PCLO: variants seen among roughly 807,000 people sequenced by gnomAD.
PCLO encodes protein piccolo.
Under a neutral mutation model 427.5 loss-of-function variants are expected in PCLO, and 82 were observed. The ratio of observed to expected loss-of-function variants is 0.19; its 90% CI spans 0.16 to 0.23. PCLO has a LOEUF of 0.23. Ranked by LOEUF, PCLO falls within the 10% of genes least tolerant of loss-of-function variation. The probability of loss-of-function intolerance (pLI) is 1.00; values close to 1 mark genes in which losing one functional copy is unlikely to be tolerated. For synonymous variants in PCLO, 2,357 were observed against 2,155.4 expected, an observed-to-expected ratio of 1.09 and a Z score of -2.59; for missense variants, 6,239 against 6,115.9, an observed-to-expected ratio of 1.02 and a Z score of -0.67.
intron 3 of PCLO, among the ~76,000 whole-genome samples, chr7:82,987,260 C>T (rs7810272): frequency 0.75 from 114,158 of 151,776 alleles, 43,485 homozygotes; most frequent in East Asian, 0.92. Flanking sequence ...TTGATTCTAG[C>T]TACTTGATTT....
intron 3 of PCLO, among the ~76,000 whole-genome samples, chr7:83,041,292 G>A (rs1462666244): frequency 1.3e-5 from 2 of 152,082 alleles, no homozygotes; most frequent in East Asian, 1.9e-4. Flanking sequence ...TACAGAAAAT[G>A]AGCCTGCAGT....
At chr7:83,018,359 T>C (rs945249193) in intron 3 of PCLO, among the ~76,000 whole-genome samples, 1 of 151,890 alleles carries the variant, frequency 6.6e-6, no homozygotes, top group Non-Finnish European at 1.5e-5. Flanking sequence ...GTATTAAGAG[T>C]ACTTTTATCT....
Position 83,124,964 on chromosome 7 carries a change from C to T in PCLO, c.3300+9286G>A, listed in dbSNP as rs958697994. On this transcript the variant is annotated intron_variant, in intron 3 of 24. Coordinates refer to ENST00000333891, the MANE Select transcript of PCLO (RefSeq NM_033026.6). The stretch of plus-strand genomic sequence containing the variant: ...GGAGACGCGGTTTCGCCGTGTTGGC[C>T]GGGCTGGTCTCCAGCTCCTGACCTC... Among the ~76,000 whole-genome samples the T allele has an allele frequency of 1.6e-4, 24 of 152,246 alleles. No homozygotes were observed. In the East Asian group the frequency reaches 4.3e-3, roughly 27 times the overall value.
At chr7:83,016,563 G>A (rs1268461543) in intron 3 of PCLO, among the ~76,000 whole-genome samples, 4 of 151,184 alleles carry the variant, frequency 2.6e-5, no homozygotes, top group Admixed American at 6.6e-5. Context: ...GGGGTTAGGA[G>A]AGAGATCTAC....
At chr7:83,049,390 A>T (rs1245746331) in intron 3 of PCLO, among the ~76,000 whole-genome samples, 1 of 152,104 alleles carries the variant, frequency 6.6e-6, no homozygotes, top group Non-Finnish European at 1.5e-5. Context: ...GAGAAACAAG[A>T]TGTTGGGGCA....
intron 3 of PCLO, among the ~76,000 whole-genome samples, chr7:83,073,936 T>C (rs1789883610): frequency 6.6e-6 from 1 of 151,738 alleles, no homozygotes; most frequent in Admixed American, 6.6e-5. Context: ...ATTTAGATAT[T>C]TGTTTCTAAA....
intron 6 of PCLO, among the ~76,000 whole-genome samples, chr7:82,924,542 G>A (rs1202661275): frequency 6.6e-6 from 1 of 152,032 alleles, no homozygotes; most frequent in East Asian, 1.9e-4. Context: ...GTCCACAACT[G>A]CAATAATTAT....
At chr7:83,006,823 T>C (rs1377707057) in intron 3 of PCLO, among the ~76,000 whole-genome samples, 3 of 151,500 alleles carry the variant, frequency 2.0e-5, no homozygotes, top group South Asian at 2.1e-4. Context: ...TCATTTTAAG[T>C]CTTTGCTCAA....
Position 83,155,549 on chromosome 7 carries a change from C to T in PCLO, c.1092G>A (p.Gln364=). 6.2e-7 allele frequency: 1 copy of T among 1,612,856 alleles called. No homozygotes were observed. Among genetic ancestry groups the T allele is most frequent in the Non-Finnish European group, 8.5e-7 (1 of 1,179,398 alleles). ...CTGGAGGCTTAGCAGGACCAAGAGG[C>T]TGAGCTGGAGGCTTTGTTGTCCCTG... ...QPPGTTKPPA[Q]PLGPAKPPAQ... is the part of the protein sequence containing the mutation. The change falls in exon 2 of 25, where the codon CAG becomes CAA. Residue 364 remains glutamine, a synonymous_variant. Transcript: ENST00000333891.
intron 20 of PCLO, among the ~76,000 whole-genome samples, chr7:82,814,982 C>T (rs903061152): frequency 3.3e-5 from 5 of 151,812 alleles, no homozygotes; most frequent in African/African-American, 9.7e-5. Flanking sequence ...ATGTCAAGAT[C>T]ATTTTATCAT....
At chr7:82,806,555 T>C (rs891465631) in intron 20 of PCLO, among the ~76,000 whole-genome samples, 1 of 152,134 alleles carries the variant, frequency 6.6e-6, no homozygotes, top group South Asian at 2.1e-4. Flanking sequence ...GTTGTCAGAT[T>C]TGAGAAGAAA....
chr7:82,965,669 G>A (rs1358279347), intron 4 of PCLO, 102 bp downstream of exon 4: 2 of 697,710 alleles, frequency 2.9e-6, no homozygotes, highest in East Asian at 2.7e-5. Context: ...ATTGTTTGAG[G>A]AACTTCACTT....
At chr7:82,763,160 G>C (rs1386045517) in intron 22 of PCLO, among the ~76,000 whole-genome samples, 1 of 152,034 alleles carries the variant, frequency 6.6e-6, no homozygotes, top group Non-Finnish European at 1.5e-5. Context: ...CTGATTCATC[G>C]AGGATACCCT....
intron 3 of PCLO, among the ~76,000 whole-genome samples, chr7:83,121,949 A>G (rs1458698558): frequency 6.6e-6 from 1 of 152,202 alleles, no homozygotes; most frequent in African/African-American, 2.4e-5. Flanking sequence ...ACATTAAAAA[A>G]ATCATCCATC....
At chr7:82,842,167 A>T (rs927695884) in intron 13 of PCLO, among the ~76,000 whole-genome samples, 1 of 152,192 alleles carries the variant, frequency 6.6e-6, no homozygotes, top group African/African-American at 2.4e-5. Context: ...TAATCAAAGC[A>T]GCATGGTATG....
chr7:82,843,715 G>GAT (rs1373820784), intron 13 of PCLO, among the ~76,000 whole-genome samples: 1 of 146,718 alleles, frequency 6.8e-6, no homozygotes, highest in Non-Finnish European at 1.5e-5. Context: ...CCTCCGGCTA[G>GAT]AGTGCAGTGG....
At chr7:82,917,982 A>AT (rs771060780) in intron 6 of PCLO, among the ~76,000 whole-genome samples, 2 of 151,898 alleles carry the variant, frequency 1.3e-5, no homozygotes, top group African/African-American at 2.4e-5. Context: ...TTCTGTTATC[A>AT]TATTTCTGCT....
At position 82,953,590 on chromosome 7, in the gene PCLO, G is replaced by A; in HGVS notation, c.7363C>T (p.Leu2455=). 1 of 1,612,608 alleles carries A rather than the reference G, an allele frequency of 6.2e-7. No individual in the cohort carries two copies. The change falls in exon 5 of 25, where the codon CTG becomes TTG. Residue 2455 remains leucine (L), a synonymous_variant. Transcript: ENST00000333891. ...TCTAGAGTAGTAACAGCATCAAACAGAGGTGTAGCTGTAGTCACTGGAGAT... is the reference window on the plus strand; with the variant it reads ...TCTAGAGTAGTAACAGCATCAAACAAAGGTGTAGCTGTAGTCACTGGAGAT... ...VASPVTTATP[L]FDAVTTLETT...
chr7:83,089,724 G>A (rs117321452), intron 3 of PCLO, among the ~76,000 whole-genome samples: 2,016 of 152,232 alleles, frequency 0.013, 20 homozygotes, highest in Non-Finnish European at 0.02. Flanking sequence ...AGGGGAAAGA[G>A]GCAAGGCAGG....
Sources: allele counts gnomAD v4.1 joint callset (sites outside exome capture counted in the v4.1 genomes callset), GRCh38; gene constraint gnomAD v4.1.1; transcripts MANE v1.5; gene names NCBI Gene and HGNC (gene_info 2026-07-23, HGNC 2026-07-21).